The following CLCNKB variants were observed in gnomAD, a reference collection of about 807,000 sequenced individuals.
CLCNKB encodes chloride voltage-gated channel Kb, also known as chloride channel protein ClC-Kb.
In CLCNKB, 74 loss-of-function variants were observed where a neutral mutation model predicts 83.8. That is an observed-to-expected ratio of 0.88 (90% confidence interval 0.73 to 1.07). The LOEUF (loss-of-function observed/expected upper bound fraction) is 1.07. Ranked by LOEUF, CLCNKB falls within the 50% of genes least tolerant of loss-of-function variation. CLCNKB has a pLI of 0.00. For synonymous variants in CLCNKB, 358 were observed against 356.6 expected, an observed-to-expected ratio of 1.00 and a Z score of -0.04; for missense variants, 798 against 893.6, an observed-to-expected ratio of 0.89 and a Z score of 1.36.
intron 7 of CLCNKB, 26 bp from the exon 8 acceptor site, chr1:16,049,094 C>G: frequency 6.2e-6 from 10 of 1,613,554 alleles, no homozygotes; most frequent in African/African-American, 1.3e-5. Context: ...GGTGGAGGGC[C>G]CACCTGAGAT....
At position 16,045,542 on chromosome 1, in the gene CLCNKB, C is replaced by T; in HGVS notation, c.101-16C>T. On this transcript the variant is annotated splice_polypyrimidine_tract_variant and intron_variant, in intron 2 of 19. Transcript: ENST00000375679. ...TCCTGCCCCACCCTGTGCCGTGACC[C>T]CATGCCCTGCCCCAGGTGGCCTGGA... 6.2e-7 allele frequency: 1 copy of T among 1,612,536 alleles called. No individual in the cohort carries two copies. Among genetic ancestry groups the T allele is most frequent in the Non-Finnish European group, 8.5e-7 (1 of 1,178,890 alleles).
chr1:16,044,909 G>A (rs999636527), intron 2 of CLCNKB, among the ~76,000 whole-genome samples: 1 of 152,238 alleles, frequency 6.6e-6, no homozygotes, highest in Non-Finnish European at 1.5e-5. Context: ...TAGCTGCTGG[G>A]ACAGCTGGGG....
chr1:16,055,442 G>A lies in CLCNKB; in HGVS notation c.1764G>A (p.Gln588=), dbSNP rs765870330. The change falls in exon 17 of 20, where the codon CAG becomes CAA. Residue 588 remains glutamine (Q), a synonymous_variant. Coordinates refer to ENST00000375679, the MANE Select transcript of CLCNKB (RefSeq NM_000085.5). The stretch of plus-strand genomic sequence containing the variant: ...TGTCTCTCCACTTGCCAGAGTCCCA[G>A]ATCCTGGTGGGCATAGTGCGAAGGG... The part of the protein sequence containing the change: ...KYPLVESTES[Q]ILVGIVRRAQ... 1.2e-6 allele frequency: 2 copies of A among 1,613,000 alleles called. No individual in the cohort carries two copies. The highest frequency in any genetic ancestry group is 4.5e-5 in the East Asian group (2 of 44,862).
At chr1:16,047,478 A>G (rs1160433330) in intron 4 of CLCNKB, among the ~76,000 whole-genome samples, 10 of 126,400 alleles carry the variant, frequency 7.9e-5, no homozygotes, top group Non-Finnish European at 1.6e-4. Context: ...ACAAACAAAC[A>G]AAGGAATCCT....
chr1:16,053,509 C>A lies in CLCNKB; in HGVS notation c.1623-130C>A, dbSNP rs1437531622. The A allele has an allele frequency of 1.5e-5, 20 of 1,345,190 alleles. No homozygotes were observed. In the Admixed American group the frequency reaches 3.1e-4, roughly 21 times the overall value. The allele number at this position is 1,345,190 out of a possible 1,614,324, so 83.3% of individuals were successfully genotyped here. ...TTCTAGGAGTCCCTCATTCCAGGAA[C>A]CTCTCCGGCCCTGCCCACACTCCAG... On this transcript the variant is annotated intron_variant, in intron 15 of 19. Transcript: ENST00000375679.
At chr1:16,048,174 T>C in intron 5 of CLCNKB, 130 bp downstream of exon 5, 1 of 1,450,392 alleles carries the variant, frequency 6.9e-7, no homozygotes, top group Non-Finnish European at 9.5e-7. Flanking sequence ...AACTCAGTCT[T>C]GGGGGAAGAG....
In CLCNKB at chr1:16,055,706, G is replaced by T. The variant is rs143663847; in HGVS notation, c.1877G>T (p.Cys626Phe). ...QCLQDILAAGCPTEPVTLKLS... is the reference protein window; with the variant it reads ...QCLQDILAAGFPTEPVTLKLS... ...CTCCAGGACATCTTGGCTGCAGGCT[G>T]CCCCACAGAACCAGTGACCCTGAAG... is the stretch of plus-strand genomic sequence containing the variant. Residue 626 changes from cysteine to phenylalanine, a missense_variant, in exon 18 of 20, where the codon TGC becomes TTC. Cys to Phe is a radical substitution (Grantham distance 205). Transcript: ENST00000375679. The T allele has an allele frequency of 6.2e-7, 1 of 1,613,864 alleles. No individual in the cohort carries two copies. The highest frequency in any genetic ancestry group is 1.1e-5 in the South Asian group (1 of 91,088).
Position 16,044,580 on chromosome 1 carries a change from C to T in CLCNKB, c.88C>T (p.Arg30Ter), listed in dbSNP as rs200835418. The part of the protein sequence containing the change: ...ELWGPCPRIR[R>*]GIRGGLEWLK... ...GTGGGGCCCCTGTCCCCGCATCCGCCGAGGCATCCGAGGTGAGAGCCAGGT... is the reference window on the plus strand; with the variant it reads ...GTGGGGCCCCTGTCCCCGCATCCGCTGAGGCATCCGAGGTGAGAGCCAGGT... Residue 30 changes from arginine to a stop codon, truncating the protein, a stop_gained, in exon 2 of 20, where the codon CGA (arginine) becomes TGA (stop). Transcript: ENST00000375679. LOFTEE classifies it high-confidence loss of function. The T allele has an allele frequency of 1.4e-5, 23 of 1,599,558 alleles. No individual in the cohort carries two copies. Among genetic ancestry groups the T allele is most frequent in the South Asian group, 2.3e-5 (2 of 87,826 alleles).
chr1:16,047,264 G>A (rs1365221967), intron 4 of CLCNKB, among the ~76,000 whole-genome samples: 1 of 151,880 alleles, frequency 6.6e-6, no homozygotes, highest in Non-Finnish European at 1.5e-5. Context: ...GCAACACAGG[G>A]AGACCCTGTC....
chr1:16,046,967 C>T (rs1396999105), intron 4 of CLCNKB, among the ~76,000 whole-genome samples: 1 of 152,214 alleles, frequency 6.6e-6, no homozygotes, highest in African/African-American at 2.4e-5. Flanking sequence ...CCAGGCCGCT[C>T]AGCCCTGCCT....
Position 16,048,165 on chromosome 1 carries a change from A to T in CLCNKB, c.498+121A>T. 4.8e-6 allele frequency: 7 copies of T among 1,450,348 alleles called. No homozygotes were observed. The South Asian group carries it at 8.7e-5, about 18-fold the overall frequency. The allele number at this position is 1,450,348 out of a possible 1,614,324, so 89.8% of individuals were successfully genotyped here. ...TTGGGCTGGTCCCTGCCTTCCAGGAACTCAGTCTTGGGGGAAGAGGCAGGC... is the reference window on the plus strand; with the variant it reads ...TTGGGCTGGTCCCTGCCTTCCAGGATCTCAGTCTTGGGGGAAGAGGCAGGC... On this transcript the variant is annotated intron_variant, in intron 5 of 19. Coordinates refer to ENST00000375679, the MANE Select transcript of CLCNKB (RefSeq NM_000085.5).
rs1426279068 is a variant in CLCNKB at position 16,051,549 on chromosome 1, T to G, written c.1297+2T>G. On this transcript the variant is annotated splice_donor_variant, in intron 13 of 19. Coordinates refer to ENST00000375679, the MANE Select transcript of CLCNKB (RefSeq NM_000085.5). LOFTEE classifies it high-confidence loss of function. The stretch of plus-strand genomic sequence containing the variant: ...ACTTCATGCCCATCTTTGTCTATGG[T>G]GAGTCTGGGGTCCTGAGGTTCTGAG... 1.2e-6 allele frequency: 2 copies of G among 1,613,970 alleles called. No homozygotes were observed. Among genetic ancestry groups the G allele is most frequent in the African/African-American group, 1.3e-5 (1 of 74,978 alleles).
At position 16,049,203 on chromosome 1, in the gene CLCNKB, G is replaced by T. The variant is rs770779218; in HGVS notation, c.739G>T (p.Ala247Ser). Reference sequence around the variant, plus strand: ...GGGCTTCTTTGCGGCCACCTGCGGGGCCTTCATGTTCCGGCTCCTGGCGGT... The same window carrying T: ...GGGCTTCTTTGCGGCCACCTGCGGGTCCTTCATGTTCCGGCTCCTGGCGGT... Reference protein sequence around the residue: ...WRGFFAATCGAFMFRLLAVFN... With the variant: ...WRGFFAATCGSFMFRLLAVFN... Residue 247 changes from alanine to serine, a missense_variant, in exon 8 of 20, where the codon GCC becomes TCC. By Grantham distance (99) the Ala-to-Ser change is moderately conservative. Coordinates refer to ENST00000375679, the MANE Select transcript of CLCNKB (RefSeq NM_000085.5). 1 of 1,613,714 alleles carries T rather than the reference G, an allele frequency of 6.2e-7. No homozygotes were observed. Among genetic ancestry groups the T allele is most frequent in the South Asian group, 1.1e-5 (1 of 91,068 alleles).
chr1:16,048,118 C>T lies in CLCNKB; in HGVS notation c.498+74C>T, dbSNP rs574734979. The T allele has an allele frequency of 9.1e-5, 141 of 1,557,554 alleles. 1 individual carries two copies. Among genetic ancestry groups the T allele is most frequent in the Non-Finnish European group, 1.1e-4 (126 of 1,145,494 alleles). ...CCCCAGTCTCACCCCCATCACCCCA[C>T]GAAAGCTGCGTCAGAGGGGACTTGG... On this transcript the variant is annotated intron_variant, in intron 5 of 19. Transcript: ENST00000375679.
At chr1:16,054,110 C>A (rs2023374473) in intron 16 of CLCNKB, among the ~76,000 whole-genome samples, 1 of 152,144 alleles carries the variant, frequency 6.6e-6, no homozygotes, top group Non-Finnish European at 1.5e-5. Context: ...CCAGATGAGT[C>A]CCCTCCTCCA....
At position 16,044,521 on chromosome 1, in the gene CLCNKB, G is replaced by T. The variant is rs1022537062; in HGVS notation, c.29G>T (p.Gly10Val). 3.1e-6 allele frequency: 5 copies of T among 1,606,394 alleles called. No individual in the cohort carries two copies. The highest frequency in any genetic ancestry group is 1.3e-5 in the African/African-American group (1 of 74,982). The change falls in exon 2 of 20, where the codon GGC becomes GTC. Residue 10 changes from glycine (G) to valine (V), a missense_variant. Transcript: ENST00000375679. ...GAGGAGTTTGTGGGGCTGCGTGAAG[G>T]CTCCTCAGGGAACCCTGTGACTCTG... The part of the protein sequence containing the change: MEEFVGLRE[G>V]SSGNPVTLQE...
At position 16,049,478 on chromosome 1, in the gene CLCNKB, G is replaced by T. The variant is rs1288912799; in HGVS notation, c.782-140G>T. ...AGGCTGGGCAGGGAGGCAGGAGCCT[G>T]GTTGTGGGGGCCTGGAATGCCAGGA... On this transcript the variant is annotated intron_variant, in intron 8 of 19. Transcript: ENST00000375679. 2.6e-6 allele frequency: 4 copies of T among 1,520,278 alleles called. No homozygotes were observed. The African/African-American group carries it at 4.1e-5, about 16-fold the overall frequency. The allele number at this position is 1,520,278 out of a possible 1,614,324, so 94.2% of individuals were successfully genotyped here. A position where few individuals can be genotyped will look rare whatever the true frequency, so the allele number is the denominator to read the frequency against.
At chr1:16,056,613 C>G (rs2023450781) in intron 19 of CLCNKB, 105 bp downstream of exon 19, 2 of 1,186,690 alleles carry the variant, frequency 1.7e-6, no homozygotes, top group Non-Finnish European at 2.5e-6. Flanking sequence ...CCCATCCAAA[C>G]CTGGGGGGAT....
In CLCNKB at chr1:16,052,376, G is replaced by A; in HGVS notation, c.1587G>A (p.Leu529=). The change falls in exon 15 of 20, where the codon CTG becomes CTA. Residue 529 remains leucine, a synonymous_variant. Coordinates refer to ENST00000375679, the MANE Select transcript of CLCNKB (RefSeq NM_000085.5). ...FYDGTVIVKK[L]PYLPRILGRN... ...ATGGCACCGTCATTGTCAAGAAGCT[G>A]CCATACCTGCCACGGATTCTGGGCC... 6.2e-7 allele frequency: 1 copy of A among 1,613,330 alleles called. No individual in the cohort carries two copies. Among genetic ancestry groups the A allele is most frequent in the Non-Finnish European group, 8.5e-7 (1 of 1,180,044 alleles).
Sources: allele counts gnomAD v4.1 joint callset (sites outside exome capture counted in the v4.1 genomes callset), GRCh38; gene constraint gnomAD v4.1.1; transcripts MANE v1.5; gene names NCBI Gene and HGNC (gene_info 2026-07-23, HGNC 2026-07-21).